The following SLC19A1 variants were observed in gnomAD, a reference collection of about 807,000 sequenced individuals.
SLC19A1 encodes solute carrier family 19 member 1, also known as reduced folate transporter.
Under a neutral mutation model 35.3 loss-of-function variants are expected in SLC19A1, and 37 were observed. The ratio of observed to expected loss-of-function variants is 1.05; its 90% CI spans 0.81 to 1.38. The LOEUF (loss-of-function observed/expected upper bound fraction) is 1.38. Ranked by LOEUF, SLC19A1 falls within the 40% of genes most tolerant of loss-of-function variation. The probability of loss-of-function intolerance (pLI) is 0.00; values close to 1 mark genes in which losing one functional copy is unlikely to be tolerated. For missense variants in SLC19A1, 831 were observed against 826.9 expected (o/e 1.00, Z -0.06); for synonymous variants, 460 against 398.5 (o/e 1.15, Z -1.84).
In SLC19A1 at chr21:45,515,082, G is replaced by A; in HGVS notation, c.*576C>T. 2 of 1,546,340 alleles carry A rather than the reference G, an allele frequency of 1.3e-6. No individual in the cohort carries two copies. The highest frequency in any genetic ancestry group is 1.7e-6 in the Non-Finnish European group (2 of 1,145,686). On this transcript the variant is annotated 3_prime_UTR_variant, in exon 6 of 6. Transcript: ENST00000311124. ...ACCAGAGCCGCTGCTCCCCTCTGAT[G>A]ACAATGTGTCTGCCGCCAACCTGAG...
chr21:45,511,327 TCTTATACATGCTCATTA>T (rs2037596886), downstream of SLC19A1: 2 of 711,812 alleles, frequency 2.8e-6, no homozygotes, highest in Non-Finnish European at 5.2e-6. Context: ...TTTGGACAAA[TCTTATACATGCTCATTA>T]CTTTAAAATT....
chr21:45,506,003 A>C, intron 3 of SLC19A1: 1 of 1,612,454 alleles, frequency 6.2e-7, no homozygotes, highest in Non-Finnish European at 8.5e-7. Flanking sequence ...GACCCGTGGA[A>C]GGGCCGAAGC....
At chr21:45,545,641 A>G (rs1428492721), upstream of SLC19A1, among the ~76,000 whole-genome samples, 2 of 152,006 alleles carry the variant, frequency 1.3e-5, no homozygotes, top group African/African-American at 4.8e-5. Context: ...AGATACAGAG[A>G]CGTAAACATA....
chr21:45,545,952 C>T (rs2078410457), upstream of SLC19A1, among the ~76,000 whole-genome samples: 1 of 152,230 alleles, frequency 6.6e-6, no homozygotes, highest in South Asian at 2.1e-4. Flanking sequence ...GCAGCTGCCC[C>T]TCTCTCCAGC....
In SLC19A1 at chr21:45,514,705, C is replaced by T. The variant is rs1602680587; in HGVS notation, c.*953G>A. 5 of 348,940 alleles carry T rather than the reference C, an allele frequency of 1.4e-5. No individual in the cohort carries two copies. In the East Asian group the frequency reaches 2.4e-4, roughly 17 times the overall value. The allele number at this position is 348,940 out of a possible 1,614,324, so 21.6% of individuals were successfully genotyped here. ...GCCAGGCCGGCCCTGAATCAGAAGC[C>T]CTGCGCACACTCACTTAAGTGTGTT... is the stretch of plus-strand genomic sequence containing the variant. On this transcript the variant is annotated 3_prime_UTR_variant, in exon 6 of 6. Coordinates refer to ENST00000311124, the MANE Select transcript of SLC19A1 (RefSeq NM_194255.4).
At chr21:45,510,051 C>T (rs2037484590), downstream of SLC19A1, 16 of 1,549,012 alleles carry the variant, frequency 1.0e-5, no homozygotes, top group Non-Finnish European at 1.0e-5. Context: ...GTGACGCGCC[C>T]CTCTCCCCGC....
rs775265179 is a variant in SLC19A1 at position 45,505,966 on chromosome 21, G to A, written c.498-7354C>T. 6.2e-7 allele frequency: 1 copy of A among 1,613,144 alleles called. No individual in the cohort carries two copies. The highest frequency in any genetic ancestry group is 8.5e-7 in the Non-Finnish European group (1 of 1,179,940). The stretch of plus-strand genomic sequence containing the variant: ...TGCAGAACGGGTTCCGGAAGGTCCA[G>A]GTGAGCGCTCTGTGTGACGGGTTCT... On this transcript the variant is annotated intron_variant, in intron 3 of 4. Coordinates refer to the SLC19A1 transcript ENST00000417954.
chr21:45,515,191 A>C lies in SLC19A1; in HGVS notation c.*467T>G, dbSNP rs1301842116. 3 of 1,520,974 alleles carry C rather than the reference A, an allele frequency of 2.0e-6. No individual in the cohort carries two copies. In the African/African-American group the frequency reaches 4.3e-5, roughly 22 times the overall value. The allele number at this position is 1,520,974 out of a possible 1,614,324, so 94.2% of individuals were successfully genotyped here. A position where few individuals can be genotyped will look rare whatever the true frequency, so the allele number is the denominator to read the frequency against. ...AAAAAAAAAAAGCATCTTTCAAAAA[A>C]GCAAGAGCACCAAGGATGACCAGCA... On this transcript the variant is annotated 3_prime_UTR_variant, in exon 6 of 6. Coordinates refer to ENST00000311124, the MANE Select transcript of SLC19A1 (RefSeq NM_194255.4).
rs868654768 is a variant in SLC19A1 at position 45,507,395 on chromosome 21, C to T, written c.498-8783G>A. ...GGAGGGCCGGGTGCTGGGCAGGGAG[C>T]GTACCCTGGCACAGGCTTGGAGGGG... On this transcript the variant is annotated intron_variant, in intron 3 of 4. Transcript: ENST00000417954. 1.0e-4 allele frequency: 74 copies of T among 725,502 alleles called. 1 individual carries two copies. Among genetic ancestry groups the T allele is most frequent in the Middle Eastern group, 7.3e-4 (2 of 2,734 alleles). 44.9% of individuals were successfully genotyped at this position (725,502 alleles called of 1,614,324 possible).
At chr21:45,535,364 G>A (rs118096468) in intron 2 of SLC19A1, among the ~76,000 whole-genome samples, 2,281 of 152,350 alleles carry the variant, frequency 0.015, 31 homozygotes, top group Non-Finnish European at 0.023. Context: ...GAGAAACACC[G>A]TATGTAACAC....
At chr21:45,509,223 G>C, downstream of SLC19A1, 1 of 1,258,464 alleles carries the variant, frequency 7.9e-7, no homozygotes. Flanking sequence ...GGCAGCCCCA[G>C]AGTCGGGGGC....
In SLC19A1 at chr21:45,533,123, G is replaced by A. The variant is rs929392470; in HGVS notation, c.190-975C>T. ...GTAGCCGCCCTGCACCCTCCCAGGA[G>A]GGGGAGCACAGGCTGTCAGCCTGCC... On this transcript the variant is annotated intron_variant, in intron 2 of 5. Coordinates refer to ENST00000311124, the MANE Select transcript of SLC19A1 (RefSeq NM_194255.4). This position sits in a 1 kb window ranked among gnomAD's most constrained non-coding sequence, Gnocchi z 4.5. Among the ~76,000 whole-genome samples the A allele has an allele frequency of 1.3e-5, 2 of 152,210 alleles. No individual in the cohort carries two copies. Among genetic ancestry groups the A allele is most frequent in the Non-Finnish European group, 2.9e-5 (2 of 68,030 alleles).
Position 45,532,070 on chromosome 21 carries a change from G to C in SLC19A1, c.268C>G (p.Leu90Val), listed in dbSNP as rs1381193200. 6.2e-7 allele frequency: 1 copy of C among 1,612,548 alleles called. No homozygotes were observed. The highest frequency in any genetic ancestry group is 8.5e-7 in the Non-Finnish European group (1 of 1,179,636). The change falls in exon 3 of 6, where the codon CTG becomes GTG. Residue 90 changes from leucine to valine, a missense_variant. By Grantham distance (32) the Leu-to-Val change is conservative (BLOSUM62 1). Transcript: ENST00000311124. ...LVPVFLLTDY[L>V]RYTPVLLLQG... ...AGCAGCAGCACCGGCGTGTAGCGCA[G>C]GTAGTCGGTGAGCAGGAACACGGGC...
At chr21:45,545,821 G>T (rs898562724), upstream of SLC19A1, among the ~76,000 whole-genome samples, 1 of 152,146 alleles carries the variant, frequency 6.6e-6, no homozygotes, top group East Asian at 1.9e-4. Context: ...ATTTCCAGAC[G>T]TCTCCCCAGT....
At chr21:45,529,296 T>C (rs11089013) in intron 4 of SLC19A1, among the ~76,000 whole-genome samples, 86,465 of 151,974 alleles carry the variant, frequency 0.57, 24,713 homozygotes, top group South Asian at 0.64. Flanking sequence ...GTGAGGCCAC[T>C]GACACAGAGG....
At chr21:45,521,665 A>C (rs1002388666) in intron 5 of SLC19A1, among the ~76,000 whole-genome samples, 2 of 152,256 alleles carry the variant, frequency 1.3e-5, no homozygotes, top group African/African-American at 4.8e-5. Context: ...ACAAGAGTAA[A>C]CACATAGTTC....
At position 45,533,654 on chromosome 21, in the gene SLC19A1, C is replaced by G. The variant is rs930680012; in HGVS notation, c.190-1506G>C. On this transcript the variant is annotated intron_variant, in intron 2 of 5. Coordinates refer to ENST00000311124, the MANE Select transcript of SLC19A1 (RefSeq NM_194255.4). This position sits in a 1 kb window ranked among gnomAD's most constrained non-coding sequence, Gnocchi z 4.5. ...GCCCTGCTGGACTCTGGGCCTCCAG[C>G]AGGCCCCACCCGACTCAGGCCTGAC... Among the ~76,000 whole-genome samples the G allele has an allele frequency of 5.9e-5, 9 of 151,876 alleles. No homozygotes were observed. Among genetic ancestry groups the G allele is most frequent in the Admixed American group, 4.6e-4 (7 of 15,278 alleles).
In SLC19A1 at chr21:45,514,851, G is replaced by T; in HGVS notation, c.*807C>A. ...TACTTCCCCAGCGCCCACCACAAAG[G>T]CAGCCCCCCCAAGGCTGCCCAGCCC... On this transcript the variant is annotated 3_prime_UTR_variant, in exon 6 of 6. Coordinates refer to ENST00000311124, the MANE Select transcript of SLC19A1 (RefSeq NM_194255.4). 1 of 684,040 alleles carries T rather than the reference G, an allele frequency of 1.5e-6. No individual in the cohort carries two copies. Among genetic ancestry groups the T allele is most frequent in the Non-Finnish European group, 2.3e-6 (1 of 432,828 alleles). The allele number at this position is 684,040 out of a possible 1,614,324, so 42.4% of individuals were successfully genotyped here.
rs147527796 is a variant in SLC19A1, at chr21:45,530,844, C to A, written c.1077G>T (p.Pro359=). The A allele has an allele frequency of 7.2e-5, 108 of 1,509,156 alleles. No homozygotes were observed. Among genetic ancestry groups the A allele is most frequent in the Non-Finnish European group, 9.3e-5 (105 of 1,129,036 alleles). 93.5% of individuals were successfully genotyped at this position (1,509,156 alleles called of 1,614,324 possible). The change falls in exon 4 of 6, where the codon CCG becomes CCT. Residue 359 remains proline, a synonymous_variant. Transcript: ENST00000311124. This position sits in a 1 kb window ranked among gnomAD's most constrained non-coding sequence, Gnocchi z 5.3. ...LVFLLAHTRH[P]SSIWLCYAAF... is the part of the protein sequence containing the mutation. ...CCGCATAGCACAGCCAGATGCTGCT[C>A]GGGTGGCGCGTGTGCGCCAGAAGGA... is the stretch of plus-strand genomic sequence containing the variant.
Sources: gnomAD v4.1 joint callset for allele counts (sites outside exome capture counted in the v4.1 genomes callset) on GRCh38, gnomAD v4.1.1 for gene constraint, Gnocchi (gnomAD v3.1) non-coding constraint, MANE v1.5 for transcripts, NCBI Gene and HGNC (gene_info 2026-07-23, HGNC 2026-07-21) for gene names.